The following RNF150 variants were observed in gnomAD, a reference collection of about 807,000 sequenced individuals.
The protein encoded by RNF150 is ring finger protein 150.
In RNF150, 24 loss-of-function variants were observed where a neutral mutation model predicts 39.3. The observed-to-expected ratio is 0.61, with a 90% CI of 0.44 to 0.86. The LOEUF is 0.86. RNF150 is among the 40% of genes least tolerant of loss of function. The pLI is 0.00. For missense variants in RNF150, 502 were observed against 587.8 expected, an observed-to-expected ratio of 0.85 and a Z score of 1.51; for synonymous variants, 255 against 227.3, an observed-to-expected ratio of 1.12 and a Z score of -1.10.
chr4:141,042,537 C>T (rs536076764), intron 1 of RNF150, among the ~76,000 whole-genome samples: 51 of 152,104 alleles, frequency 3.4e-4, no homozygotes, highest in African/African-American at 9.4e-4. Context: ...CAATTTAGTT[C>T]CATTACTGTA....
At chr4:140,919,023 A>G (rs1222357287) in intron 5 of RNF150, among the ~76,000 whole-genome samples, 1 of 152,018 alleles carries the variant, frequency 6.6e-6, no homozygotes, top group Non-Finnish European at 1.5e-5. Context: ...TTAGGTATTG[A>G]TGGGACGTAT....
chr4:141,085,242 TACTC>T (rs1738317592), intron 1 of RNF150, among the ~76,000 whole-genome samples: 1 of 152,180 alleles, frequency 6.6e-6, no homozygotes, highest in Non-Finnish European at 1.5e-5. Context: ...TGGTGAGACT[TACTC>T]ACTCTCATGA....
At chr4:141,080,468 G>C (rs1480131480) in intron 1 of RNF150, among the ~76,000 whole-genome samples, 1 of 152,136 alleles carries the variant, frequency 6.6e-6, no homozygotes, top group Non-Finnish European at 1.5e-5. Context: ...TCATTGTCAA[G>C]ATACAGTGAT....
chr4:141,169,813 CAAG>C (rs1480165696), intron 1 of RNF150, among the ~76,000 whole-genome samples: 1 of 151,716 alleles, frequency 6.6e-6, no homozygotes, highest in Admixed American at 6.6e-5. Context: ...GCTACTTTTA[CAAG>C]AACAATTTAG....
chr4:141,011,957 G>T (rs182815041), intron 1 of RNF150, among the ~76,000 whole-genome samples: 11 of 152,312 alleles, frequency 7.2e-5, no homozygotes, highest in African/African-American at 2.4e-4. Context: ...GAAGAACAAA[G>T]AACACTCTTG....
chr4:140,906,405 G>T (rs1730375825), intron 6 of RNF150, among the ~76,000 whole-genome samples: 1 of 152,084 alleles, frequency 6.6e-6, no homozygotes, highest in African/African-American at 2.4e-5. Context: ...AGTATCTAGA[G>T]GTGATTTAAA....
At chr4:140,995,090 T>A (rs1293826097) in intron 1 of RNF150, among the ~76,000 whole-genome samples, 1 of 152,186 alleles carries the variant, frequency 6.6e-6, no homozygotes, top group African/African-American at 2.4e-5. Context: ...TCATTCTATC[T>A]AATTATATTT....
intron 1 of RNF150, among the ~76,000 whole-genome samples, chr4:141,166,631 G>T (rs1578776533): frequency 6.6e-6 from 1 of 152,124 alleles, no homozygotes; most frequent in South Asian, 2.1e-4. Context: ...ATGCAAGACT[G>T]GTTCAACATA....
At chr4:141,111,024 T>C (rs1000051199) in intron 1 of RNF150, among the ~76,000 whole-genome samples, 1 of 152,048 alleles carries the variant, frequency 6.6e-6, no homozygotes, top group African/African-American at 2.4e-5. Context: ...GGTTATCTGG[T>C]AAATCATCTG....
intron 4 of RNF150, among the ~76,000 whole-genome samples, chr4:140,940,050 T>C (rs1176445436): frequency 1.3e-5 from 2 of 152,186 alleles, no homozygotes; most frequent in African/African-American, 4.8e-5. Context: ...GTGTGTTGTG[T>C]ATAAAGCACA....
At chr4:140,892,208 T>C (rs1415196487) in intron 6 of RNF150, among the ~76,000 whole-genome samples, 1 of 152,212 alleles carries the variant, frequency 6.6e-6, no homozygotes, top group African/African-American at 2.4e-5. Context: ...GGGACACCTA[T>C]ATAGCAATGT....
At chr4:141,024,334 C>T (rs923694940) in intron 1 of RNF150, among the ~76,000 whole-genome samples, 2 of 152,090 alleles carry the variant, frequency 1.3e-5, no homozygotes, top group Non-Finnish European at 2.9e-5. Context: ...AAAATCTCTT[C>T]TTAAAATTCC....
At chr4:141,041,853 C>G (rs572826538) in intron 1 of RNF150, among the ~76,000 whole-genome samples, 1 of 151,924 alleles carries the variant, frequency 6.6e-6, no homozygotes, top group Non-Finnish European at 1.5e-5. Flanking sequence ...CTACCATGAA[C>G]GTATATATAC....
chr4:141,168,309 G>A (rs1727636795), intron 1 of RNF150, among the ~76,000 whole-genome samples: 1 of 152,164 alleles, frequency 6.6e-6, no homozygotes, highest in Non-Finnish European at 1.5e-5. Flanking sequence ...ATGTTGGAGA[G>A]GATTTGGAGA....
intron 1 of RNF150, among the ~76,000 whole-genome samples, chr4:141,002,721 T>C (rs1734709957): frequency 6.6e-6 from 1 of 152,176 alleles, no homozygotes; most frequent in Non-Finnish European, 1.5e-5. Flanking sequence ...CCAGATATAG[T>C]GCAGAAGTGA....
chr4:141,041,450 C>T (rs1430215312), intron 1 of RNF150, among the ~76,000 whole-genome samples: 2 of 152,056 alleles, frequency 1.3e-5, no homozygotes, highest in Non-Finnish European at 2.9e-5. Flanking sequence ...AGGAAGAGAA[C>T]AAATTACTCA....
chr4:141,073,978 G>A (rs895143627), intron 1 of RNF150, among the ~76,000 whole-genome samples: 1 of 151,990 alleles, frequency 6.6e-6, no homozygotes, highest in African/African-American at 2.4e-5. Flanking sequence ...TCCTGAGGTA[G>A]AGGACTGTTC....
intron 1 of RNF150, among the ~76,000 whole-genome samples, chr4:140,978,156 T>C (rs1733731951): frequency 6.6e-6 from 1 of 152,156 alleles, no homozygotes; most frequent in Non-Finnish European, 1.5e-5. Context: ...CCAGAAGACC[T>C]GCAAGCTCAA....
At chr4:141,208,379 G>T (rs1260776616) in intron 1 of RNF150, among the ~76,000 whole-genome samples, 1 of 152,088 alleles carries the variant, frequency 6.6e-6, no homozygotes, top group African/African-American at 2.4e-5. Flanking sequence ...AAAAAGGCAA[G>T]AAAAGAAAAG....
Sources: gnomAD v4.1 joint callset for allele counts (sites outside exome capture counted in the v4.1 genomes callset) on GRCh38, gnomAD v4.1.1 for gene constraint, MANE v1.5 for transcripts, NCBI Gene and HGNC (gene_info 2026-07-23, HGNC 2026-07-21) for gene names.